Variants in PALLD observed in about 807,000 individuals in gnomAD.
PALLD encodes the protein palladin.
PALLD carries 61 observed loss-of-function variants against 123.5 expected under a neutral mutation model. That is an observed-to-expected ratio of 0.49 (90% CI 0.40 to 0.61). The LOEUF is 0.61. Ranked by LOEUF, PALLD falls within the 20% of genes least tolerant of loss-of-function variation. The pLI is 0.00. For synonymous variants in PALLD, 465 were observed against 496.4 expected (o/e 0.94, Z 0.84); for missense variants, 1,273 against 1,377.0 (o/e 0.92, Z 1.20).
chr4:168,895,733 T>C (rs1046950729), intron 12 of PALLD, among the ~76,000 whole-genome samples: 6 of 152,236 alleles, frequency 3.9e-5, no homozygotes, highest in Admixed American at 1.3e-4. Flanking sequence ...CATATATAAG[T>C]GGACCCATGC....
chr4:168,866,597 G>C (rs1750324438), intron 10 of PALLD, among the ~76,000 whole-genome samples: 1 of 152,160 alleles, frequency 6.6e-6, no homozygotes, highest in Non-Finnish European at 1.5e-5. Flanking sequence ...AACACATGAT[G>C]TTTGTTTAGT....
intron 10 of PALLD, among the ~76,000 whole-genome samples, chr4:168,780,358 A>C (rs1354619475): frequency 6.6e-6 from 1 of 152,240 alleles, no homozygotes; most frequent in Admixed American, 6.5e-5. Flanking sequence ...AATAAGATGC[A>C]GTCCCTGACT....
chr4:168,591,087 C>T (rs548118189), intron 2 of PALLD, among the ~76,000 whole-genome samples: 33 of 152,112 alleles, frequency 2.2e-4, no homozygotes, highest in African/African-American at 8.0e-4. Flanking sequence ...CCATGTTGGC[C>T]AAGCTGGTCT....
Position 168,918,325 on chromosome 4 carries a change from G to GATATATATATAT in PALLD, c.2850+2302_2850+2313dup, listed in dbSNP as rs71588177. 4.3e-4 allele frequency among the ~76,000 whole-genome samples: 64 copies of GATATATATATAT among 149,558 alleles called. No individual in the cohort carries two copies. The East Asian group carries it at 0.011, about 26-fold the overall frequency. ...AGATGAATGAATAAAGAAAATATGAGATATATATATATATACATACATACA... is the reference window on the plus strand; with the variant it reads ...AGATGAATGAATAAAGAAAATATGAGATATATATATATATATATATATATATACATACATACA... On this transcript the variant is annotated intron_variant, in intron 17 of 21. Transcript: ENST00000505667.
intron 10 of PALLD, among the ~76,000 whole-genome samples, chr4:168,812,774 G>A (rs1741348221): frequency 6.6e-6 from 1 of 152,156 alleles, no homozygotes; most frequent in Admixed American, 6.5e-5. Flanking sequence ...TCATTCATGT[G>A]AAGTTTTATA....
chr4:168,785,846 G>GAGAGATATATATATATATAT (rs764117358), intron 10 of PALLD, among the ~76,000 whole-genome samples: 13 of 80,894 alleles, frequency 1.6e-4, no homozygotes, highest in Non-Finnish European at 1.7e-4. Context: ...AAACTGTAGA[G>GAGAGATATATATATATATAT]ATATATATAT....
intron 10 of PALLD, among the ~76,000 whole-genome samples, chr4:168,806,977 C>G (rs535178981): frequency 5.9e-5 from 9 of 152,178 alleles, no homozygotes; most frequent in Non-Finnish European, 1.2e-4. Context: ...ATATGGAGTG[C>G]TAAACACGTG....
intron 2 of PALLD, among the ~76,000 whole-genome samples, chr4:168,619,509 C>T (rs1422714746): frequency 6.6e-6 from 1 of 152,166 alleles, no homozygotes; most frequent in Non-Finnish European, 1.5e-5. Context: ...GTAGGGATAG[C>T]CAGTTAGGAG....
intron 10 of PALLD, among the ~76,000 whole-genome samples, chr4:168,850,020 G>T (rs576266167): frequency 3.9e-5 from 6 of 152,224 alleles, no homozygotes; most frequent in African/African-American, 1.4e-4. Flanking sequence ...GTTTTTCAGT[G>T]TATTTCCTTA....
intron 2 of PALLD, among the ~76,000 whole-genome samples, chr4:168,575,149 C>T (rs1190476347): frequency 6.6e-6 from 1 of 152,118 alleles, no homozygotes; most frequent in Non-Finnish European, 1.5e-5. Context: ...CTTTAGTATG[C>T]ATCAGAATCA....
At chr4:168,645,565 G>A (rs1213180471) in intron 2 of PALLD, among the ~76,000 whole-genome samples, 1 of 152,104 alleles carries the variant, frequency 6.6e-6, no homozygotes, top group South Asian at 2.1e-4. Context: ...GAACCTCCCT[G>A]GGCCTCAGTT....
chr4:168,590,942 C>T lies in PALLD; in HGVS notation c.909-77248C>T, dbSNP rs1296065824. 6.5e-5 allele frequency among the ~76,000 whole-genome samples: 8 copies of T among 122,690 alleles called. No individual in the cohort carries two copies. In the South Asian group the frequency reaches 2.2e-3, roughly 34 times the overall value. The allele number at this position is 122,690 out of a possible 152,430, so 80.5% of individuals were successfully genotyped here. A position where few individuals can be genotyped will look rare whatever the true frequency, so the allele number is the denominator to read the frequency against. ...TTGCCCAGGCTAGAGTGCAATGGTG[C>T]GATCTCGGCTCACTGCAACCTCCTC... On this transcript the variant is annotated intron_variant, in intron 2 of 21. Coordinates refer to ENST00000505667, the MANE Select transcript of PALLD (RefSeq NM_001166108.2).
intron 10 of PALLD, among the ~76,000 whole-genome samples, chr4:168,794,640 CGTCT>C (rs952582397): frequency 2.0e-5 from 3 of 151,992 alleles, no homozygotes; most frequent in Non-Finnish European, 4.4e-5. Context: ...CCTACACGTC[CGTCT>C]TTTAGCCTCT....
chr4:168,790,158 C>CT lies in PALLD; in HGVS notation c.1964+78253dup, dbSNP rs1181288734. On this transcript the variant is annotated intron_variant, in intron 10 of 21. Coordinates refer to ENST00000505667, the MANE Select transcript of PALLD (RefSeq NM_001166108.2). Reference sequence around the variant, plus strand: ...GCTCTAAACTGAGATTTTGTGGTTTCTTTTTTTTTTTTTTTTTTCTTGAGG... The same window carrying CT: ...GCTCTAAACTGAGATTTTGTGGTTTCTTTTTTTTTTTTTTTTTTTCTTGAGG... Among the ~76,000 whole-genome samples, 886 of 133,504 alleles carry CT rather than the reference C, an allele frequency of 6.6e-3. 5 individuals carry two copies. Among genetic ancestry groups the CT allele is most frequent in the South Asian group, 0.011 (46 of 4,066 alleles). 87.6% of individuals were successfully genotyped at this position (133,504 alleles called of 152,430 possible).
Position 168,789,566 on chromosome 4 carries a change from G to C in PALLD, c.1964+77643G>C, listed in dbSNP as rs141376714. Among the ~76,000 whole-genome samples the C allele has an allele frequency of 8.5e-3, 1,286 of 152,098 alleles. 61 individuals carry two copies. In the East Asian group the frequency reaches 0.16, roughly 19 times the overall value. On this transcript the variant is annotated intron_variant, in intron 10 of 21. Coordinates refer to ENST00000505667, the MANE Select transcript of PALLD (RefSeq NM_001166108.2). ...CTAAAAATACAAAAATTAGCTGGGC[G>C]TGGTGGCATGTGCCTGTAGTCCCAG... is the stretch of plus-strand genomic sequence containing the variant.
chr4:168,629,721 G>C (rs750330187), intron 2 of PALLD, among the ~76,000 whole-genome samples: 1 of 151,890 alleles, frequency 6.6e-6, no homozygotes, highest in Admixed American at 6.6e-5. Flanking sequence ...ACCGCGTAAC[G>C]TTGGGATAGT....
At chr4:168,834,112 A>G (rs1744758822) in intron 10 of PALLD, among the ~76,000 whole-genome samples, 1 of 152,008 alleles carries the variant, frequency 6.6e-6, no homozygotes, top group African/African-American at 2.4e-5. Flanking sequence ...GGGCATGTAC[A>G]GCAAGTAGCA....
chr4:168,572,105 T>C (rs1051802375), intron 2 of PALLD, among the ~76,000 whole-genome samples: 4 of 152,046 alleles, frequency 2.6e-5, no homozygotes, highest in African/African-American at 9.7e-5. Flanking sequence ...TAGTAAGAAA[T>C]CGACTTCCTG....
intron 2 of PALLD, among the ~76,000 whole-genome samples, chr4:168,564,375 A>C (rs1037373946): frequency 6.6e-6 from 1 of 152,186 alleles, no homozygotes; most frequent in Non-Finnish European, 1.5e-5. Flanking sequence ...TTTTTTCTAT[A>C]AACATATAAC....
Sources: gnomAD v4.1 joint callset for allele counts (sites outside exome capture counted in the v4.1 genomes callset) on GRCh38, gnomAD v4.1.1 for gene constraint, MANE v1.5 for transcripts, NCBI Gene and HGNC (gene_info 2026-07-23, HGNC 2026-07-21) for gene names.